Variants in THSD4 observed in about 807,000 individuals in gnomAD.
THSD4 encodes the protein thrombospondin type 1 domain containing 4, also known as thrombospondin type-1 domain-containing protein 4.
A neutral mutation model predicts 119.0 loss-of-function variants in THSD4; 69 were observed. The ratio of observed to expected loss-of-function variants is 0.58; its 90% CI spans 0.48 to 0.71. The LOEUF (loss-of-function observed/expected upper bound fraction) is 0.71, where lower values mean the gene tolerates loss of function less well. THSD4 is among the 30% of genes least tolerant of loss of function. The probability of loss-of-function intolerance (pLI) is 0.00; values close to 1 mark genes in which losing one functional copy is unlikely to be tolerated. For missense variants in THSD4, 1,393 were observed against 1,391.1 expected (o/e 1.00, Z -0.02); for synonymous variants, 524 against 540.4 (o/e 0.97, Z 0.42).
Position 71,277,128 on chromosome 15 carries a change from C to CTTTTTTT in THSD4, c.1015+20421_1015+20427dup, listed in dbSNP as rs779207517. ...TATTTGTATTTGAATTCTTCTTCTT[C>CTTTTTTT]TTTTTTTTTTTTTTGAAACGGAGTT... On this transcript the variant is annotated intron_variant, in intron 6 of 17. Coordinates refer to ENST00000261862, the MANE Select transcript of THSD4 (RefSeq NM_024817.3). Among the ~76,000 whole-genome samples the CTTTTTTT allele has an allele frequency of 2.6e-4, 32 of 123,006 alleles. 1 individual carries two copies. The highest frequency in any genetic ancestry group is 5.4e-4 in the East Asian group (2 of 3,698). 80.7% of individuals were successfully genotyped at this position (123,006 alleles called of 152,430 possible). A position where few individuals can be genotyped will look rare whatever the true frequency, so the allele number is the denominator to read the frequency against.
In THSD4 at chr15:71,608,336, T is replaced by C. The variant is rs555226655; in HGVS notation, c.1153-52194T>C. On this transcript the variant is annotated intron_variant, in intron 7 of 17. Coordinates refer to ENST00000261862, the MANE Select transcript of THSD4 (RefSeq NM_024817.3). ...AAAGTAGAAAGAAGAAAATCCTCCA[T>C]TGTTAGCGTCCTGATGTACTTCTTT... Among the ~76,000 whole-genome samples the C allele has an allele frequency of 6.5e-4, 98 of 151,060 alleles. 1 individual carries two copies. The highest frequency in any genetic ancestry group is 1.9e-3 in the African/African-American group (80 of 41,216).
intron 7 of THSD4, among the ~76,000 whole-genome samples, chr15:71,630,179 T>C (rs1435520849): frequency 3.3e-5 from 5 of 152,210 alleles, no homozygotes; most frequent in Non-Finnish European, 5.9e-5. Context: ...CAGAAAATTC[T>C]CCTTTAATCA....
intron 6 of THSD4, among the ~76,000 whole-genome samples, chr15:71,321,197 C>T (rs927657820): frequency 1.3e-5 from 2 of 152,174 alleles, no homozygotes; most frequent in South Asian, 4.1e-4. Flanking sequence ...ATAACCAGAG[C>T]TGGACCTAAG....
intron 16 of THSD4, among the ~76,000 whole-genome samples, chr15:71,766,315 G>C (rs1290513725): frequency 6.6e-6 from 1 of 152,062 alleles, no homozygotes; most frequent in Non-Finnish European, 1.5e-5. Context: ...CATTGGCGTA[G>C]TTCTGTGGGT....
intron 5 of THSD4, among the ~76,000 whole-genome samples, chr15:71,251,328 T>C (rs1009744908): frequency 6.6e-6 from 1 of 152,140 alleles, no homozygotes; most frequent in African/African-American, 2.4e-5. Context: ...ACATTTGGTG[T>C]CTCCACTTCA....
Position 71,373,162 on chromosome 15 carries a change from T to G in THSD4, c.1016-38525T>G, listed in dbSNP as rs546315845. On this transcript the variant is annotated intron_variant, in intron 6 of 17. Coordinates refer to ENST00000261862, the MANE Select transcript of THSD4 (RefSeq NM_024817.3). ...TCATAATTTCAGTCTTAACTGCCTC[T>G]TTAATCAAAAAGTTATTTAGAAGAA... Among the ~76,000 whole-genome samples, 136 of 152,356 alleles carry G rather than the reference T, an allele frequency of 8.9e-4. 4 individuals are homozygous for G. The South Asian group carries it at 0.027, about 30-fold the overall frequency.
At chr15:71,366,022 G>A (rs1229494253) in intron 6 of THSD4, among the ~76,000 whole-genome samples, 1 of 152,124 alleles carries the variant, frequency 6.6e-6, no homozygotes, top group African/African-American at 2.4e-5. Context: ...CCTTCTTGCT[G>A]TCCTTTCACA....
chr15:71,359,249 C>T (rs1439931345), intron 6 of THSD4, among the ~76,000 whole-genome samples: 1 of 152,178 alleles, frequency 6.6e-6, no homozygotes, highest in Non-Finnish European at 1.5e-5. Flanking sequence ...TCAGGCTTAA[C>T]GTGCTTAAAA....
intron 7 of THSD4, among the ~76,000 whole-genome samples, chr15:71,615,642 A>G (rs1365897526): frequency 6.6e-6 from 1 of 152,126 alleles, no homozygotes; most frequent in Non-Finnish European, 1.5e-5. Flanking sequence ...CCCCAAGAAT[A>G]ATGTTAACAA....
chr15:71,388,065 T>A (rs1192436727), intron 6 of THSD4, among the ~76,000 whole-genome samples: 3 of 152,176 alleles, frequency 2.0e-5, no homozygotes, highest in African/African-American at 7.2e-5. Flanking sequence ...AGAAGACAAA[T>A]CAAAACTACA....
At chr15:71,717,299 A>G (rs1281846744) in intron 8 of THSD4, among the ~76,000 whole-genome samples, 1 of 152,238 alleles carries the variant, frequency 6.6e-6, no homozygotes, top group Non-Finnish European at 1.5e-5. Context: ...GGAATTCTAT[A>G]TGGCAGTTAG....
chr15:71,241,806 A>C (rs2140273766), intron 4 of THSD4, among the ~76,000 whole-genome samples: 1 of 152,362 alleles, frequency 6.6e-6, no homozygotes, highest in South Asian at 2.1e-4. Flanking sequence ...AGGCTTGTCC[A>C]ACCCATGGCC....
chr15:71,618,177 A>G (rs1381550370), intron 7 of THSD4, among the ~76,000 whole-genome samples: 1 of 152,230 alleles, frequency 6.6e-6, no homozygotes, highest in Non-Finnish European at 1.5e-5. Flanking sequence ...ATTCTCTGTT[A>G]ACCTAATGCT....
chr15:71,474,281 G>A (rs1412610592), intron 7 of THSD4, among the ~76,000 whole-genome samples: 3 of 151,882 alleles, frequency 2.0e-5, no homozygotes, highest in African/African-American at 7.3e-5. Context: ...GTGCAGTGGC[G>A]TGATCTCGGC....
rs186620238 is a variant in THSD4 at position 71,676,337 on chromosome 15, G to A, written c.1357+15603G>A. Among the ~76,000 whole-genome samples the A allele has an allele frequency of 5.2e-3, 792 of 152,070 alleles. 5 individuals carry two copies. Among genetic ancestry groups the A allele is most frequent in the African/African-American group, 0.018 (753 of 41,480 alleles). On this transcript the variant is annotated intron_variant, in intron 8 of 17. Transcript: ENST00000261862. ...CGCTGTGTCGCCCAGGTTGGAGTGCGGTGGCACGATCTCAGCTCACTGCAA... is the reference window on the plus strand; with the variant it reads ...CGCTGTGTCGCCCAGGTTGGAGTGCAGTGGCACGATCTCAGCTCACTGCAA...
chr15:71,467,867 G>A (rs1466397274), intron 7 of THSD4, among the ~76,000 whole-genome samples: 1 of 89,668 alleles, frequency 1.1e-5, no homozygotes, highest in Non-Finnish European at 2.4e-5. Flanking sequence ...TTCTTTTTTT[G>A]AGACGGAGTT....
intron 7 of THSD4, among the ~76,000 whole-genome samples, chr15:71,534,605 A>T (rs1482126156): frequency 6.6e-6 from 1 of 152,254 alleles, no homozygotes; most frequent in Admixed American, 6.5e-5. Context: ...AATTAAAAGA[A>T]TGTGATACTC....
chr15:71,372,412 A>G (rs1566959137), intron 6 of THSD4, among the ~76,000 whole-genome samples: 1 of 152,040 alleles, frequency 6.6e-6, no homozygotes, highest in Non-Finnish European at 1.5e-5. Context: ...TTGTGGTTTC[A>G]TCTACTTTTG....
rs181514780 is a variant in THSD4 at position 71,584,928 on chromosome 15, T to C, written c.1153-75602T>C. Among the ~76,000 whole-genome samples the C allele has an allele frequency of 1.2e-4, 18 of 152,300 alleles. No homozygotes were observed. The East Asian group carries it at 3.3e-3, about 28-fold the overall frequency. ...AACATCTTATATCTATAATAGTCTATTTTAAGCCGATAACAAGCTTTGATT... is the reference window on the plus strand; with the variant it reads ...AACATCTTATATCTATAATAGTCTACTTTAAGCCGATAACAAGCTTTGATT... On this transcript the variant is annotated intron_variant, in intron 7 of 17. Transcript: ENST00000261862.
Sources: gnomAD v4.1 joint callset for allele counts (sites outside exome capture counted in the v4.1 genomes callset) on GRCh38, gnomAD v4.1.1 for gene constraint, MANE v1.5 for transcripts, NCBI Gene and HGNC (gene_info 2026-07-23, HGNC 2026-07-21) for gene names.